MDFIC2: variants seen among roughly 807,000 people sequenced by gnomAD.
MDFIC2 encodes MyoD family inhibitor domain containing 2, also known as myoD family inhibitor domain-containing protein 2.
At chr3:70,243,159 C>T (rs1338757929) in intron 2 of MDFIC2, among the ~76,000 whole-genome samples, 1 of 152,116 alleles carries the variant, frequency 6.6e-6, no homozygotes, top group African/African-American at 2.4e-5. Flanking sequence ...TTGTCTTCTG[C>T]AGACAAGAGT....
At chr3:70,214,359 T>G (rs935465006) in intron 2 of MDFIC2, among the ~76,000 whole-genome samples, 1 of 152,122 alleles carries the variant, frequency 6.6e-6, no homozygotes, top group East Asian at 1.9e-4. Flanking sequence ...AAACGTTAGA[T>G]GAAATGTTTA....
At chr3:70,226,845 T>C (rs1381016483) in intron 2 of MDFIC2, among the ~76,000 whole-genome samples, 2 of 151,544 alleles carry the variant, frequency 1.3e-5, no homozygotes, top group Admixed American at 6.6e-5. Flanking sequence ...AAAAAAATAG[T>C]GCTTAGCAGA....
chr3:70,310,638 T>C (rs1327720690), intron 2 of MDFIC2, among the ~76,000 whole-genome samples: 1 of 152,018 alleles, frequency 6.6e-6, no homozygotes, highest in African/African-American at 2.4e-5. Flanking sequence ...AGTGCTGGGA[T>C]TATAGATGTG....
At chr3:70,226,244 A>T (rs1701506221) in intron 2 of MDFIC2, among the ~76,000 whole-genome samples, 2 of 152,286 alleles carry the variant, frequency 1.3e-5, no homozygotes, top group African/African-American at 4.8e-5. Context: ...TAATACAAAG[A>T]TGAGTAAGAC....
chr3:70,283,009 A>G (rs1057039098), intron 2 of MDFIC2, among the ~76,000 whole-genome samples: 3 of 152,200 alleles, frequency 2.0e-5, no homozygotes, highest in Non-Finnish European at 4.4e-5. Flanking sequence ...GGAGACTGAA[A>G]AAACAGTTGA....
At chr3:70,247,088 G>C (rs773484569) in intron 2 of MDFIC2, among the ~76,000 whole-genome samples, 2 of 151,868 alleles carry the variant, frequency 1.3e-5, no homozygotes, top group Non-Finnish European at 2.9e-5. Context: ...GCCAATCATA[G>C]TACCAAGCGC....
chr3:70,281,554 C>T (rs2106682256), intron 2 of MDFIC2, among the ~76,000 whole-genome samples: 1 of 152,178 alleles, frequency 6.6e-6, no homozygotes, highest in African/African-American at 2.4e-5. Flanking sequence ...GTGTCTAGCA[C>T]AGGGTAAAAG....
intron 2 of MDFIC2, among the ~76,000 whole-genome samples, chr3:70,311,152 TTAAG>T (rs767878235): frequency 1.7e-4 from 26 of 152,306 alleles, no homozygotes; most frequent in Non-Finnish European, 2.9e-4. Flanking sequence ...TGTCAACTAC[TTAAG>T]TAAGAGCTGT....
intron 2 of MDFIC2, among the ~76,000 whole-genome samples, chr3:70,263,135 C>T (rs550294197): frequency 1.3e-5 from 2 of 152,050 alleles, no homozygotes; most frequent in African/African-American, 4.8e-5. Flanking sequence ...GATACCCTGA[C>T]TATAAACTCT....
At chr3:70,244,407 T>G (rs1277751523) in intron 2 of MDFIC2, among the ~76,000 whole-genome samples, 1 of 152,234 alleles carries the variant, frequency 6.6e-6, no homozygotes, top group Non-Finnish European at 1.5e-5. Flanking sequence ...AAGGGCATTC[T>G]ATTTGCTACT....
At chr3:70,220,304 G>A (rs757725895) in intron 2 of MDFIC2, among the ~76,000 whole-genome samples, 45 of 152,062 alleles carry the variant, frequency 3.0e-4, no homozygotes, top group Admixed American at 7.9e-4. Context: ...AGTGTCTCAT[G>A]CCTGTAATCC....
At chr3:70,272,446 G>A (rs1184405461) in intron 2 of MDFIC2, 1 of 152,192 alleles carries the variant, frequency 6.6e-6, no homozygotes, top group Non-Finnish European at 1.5e-5. Context: ...TCATTCATTT[G>A]CAATGCTGGG....
At chr3:70,233,103 C>T (rs566730980) in intron 2 of MDFIC2, among the ~76,000 whole-genome samples, 69 of 152,266 alleles carry the variant, frequency 4.5e-4, no homozygotes, top group African/African-American at 1.6e-3. Context: ...GCACAAGAAT[C>T]GCTTAAACCT....
chr3:70,244,777 T>A (rs535080811), intron 2 of MDFIC2, among the ~76,000 whole-genome samples: 1 of 152,350 alleles, frequency 6.6e-6, no homozygotes, highest in South Asian at 2.1e-4. Context: ...TGTGCACACA[T>A]ATATAAATAC....
intron 2 of MDFIC2, among the ~76,000 whole-genome samples, chr3:70,233,281 G>A (rs1701578536): frequency 6.6e-6 from 1 of 152,158 alleles, no homozygotes; most frequent in South Asian, 2.1e-4. Context: ...TGTGGAGTGG[G>A]TGGCCCTGGT....
chr3:70,203,832 G>A (rs1701266142), intron 3 of MDFIC2, among the ~76,000 whole-genome samples: 1 of 152,046 alleles, frequency 6.6e-6, no homozygotes, highest in African/African-American at 2.4e-5. Flanking sequence ...CTAATATCAT[G>A]TATATTTCTG....
At position 70,195,932 on chromosome 3, in the gene MDFIC2, T is replaced by G. The variant is rs1382346724; in HGVS notation, c.*994A>C. Among the ~76,000 whole-genome samples, 3 of 152,182 alleles carry G rather than the reference T, an allele frequency of 2.0e-5. No homozygotes were observed. The highest frequency in any genetic ancestry group is 6.5e-5 in the Admixed American group (1 of 15,280). On this transcript the variant is annotated 3_prime_UTR_variant, in exon 4 of 4. Coordinates refer to ENST00000567252, the MANE Select transcript of MDFIC2 (RefSeq NM_001364677.1). ...AAATAAGTAAAATAAGTACTTGACA[T>G]AATTATTGATCACTTTAATTATCAG...
chr3:70,305,427 A>G (rs1702390949), intron 2 of MDFIC2, among the ~76,000 whole-genome samples: 1 of 152,212 alleles, frequency 6.6e-6, no homozygotes, highest in Non-Finnish European at 1.5e-5. Context: ...AATTTAAAAT[A>G]AGCATTAGTG....
chr3:70,308,216 AATTTTATTTTTTTGTTTTT>A (rs1559560072), intron 2 of MDFIC2, among the ~76,000 whole-genome samples: 1 of 149,372 alleles, frequency 6.7e-6, no homozygotes, highest in Non-Finnish European at 1.5e-5. Flanking sequence ...ACACCCAGCT[AATTTTATTTTTTTGTTTTT>A]ATTTTATTTT....
Sources: gnomAD v4.1 joint callset for allele counts (sites outside exome capture counted in the v4.1 genomes callset) on GRCh38, gnomAD v4.1.1 for gene constraint, MANE v1.5 for transcripts, NCBI Gene and HGNC (gene_info 2026-07-23, HGNC 2026-07-21) for gene names.